Variants in PTK7 observed in about 807,000 individuals in gnomAD.
The protein encoded by PTK7 is inactive tyrosine-protein kinase 7.
In PTK7, 39 loss-of-function variants were observed where a neutral mutation model predicts 116.6. The observed-to-expected ratio is 0.33, with a 90% confidence interval of 0.26 to 0.44. PTK7 has a LOEUF of 0.44. PTK7 is among the 20% of genes least tolerant of loss of function. PTK7 has a pLI of 1.00. For synonymous variants in PTK7, 546 were observed against 563.6 expected (o/e 0.97, Z 0.44); for missense variants, 1,169 against 1,425.6 (o/e 0.82, Z 2.90).
chr6:43,154,632 C>T (rs1771315728), intron 17 of PTK7, among the ~76,000 whole-genome samples: 2 of 152,112 alleles, frequency 1.3e-5, no homozygotes, highest in African/African-American at 4.8e-5. Flanking sequence ...GTTAGCAAAG[C>T]ACCAGTAGAG....
intron 1 of PTK7, among the ~76,000 whole-genome samples, chr6:43,124,514 T>C (rs1769162322): frequency 6.6e-6 from 1 of 151,718 alleles, no homozygotes; most frequent in African/African-American, 2.4e-5. Flanking sequence ...CAAAACCCTG[T>C]CTCTATAAAA....
At chr6:43,104,808 CTTTTTTTTT>C (rs35126838) in intron 1 of PTK7, among the ~76,000 whole-genome samples, 46 of 102,844 alleles carry the variant, frequency 4.5e-4, no homozygotes, top group Middle Eastern at 0.013. Flanking sequence ...ATTAGCACAA[CTTTTTTTTT>C]TTTTTTTTTT....
chr6:43,136,447 A>G (rs951903998), intron 7 of PTK7, among the ~76,000 whole-genome samples: 28 of 152,224 alleles, frequency 1.8e-4, no homozygotes, highest in Non-Finnish European at 2.1e-4. Flanking sequence ...CTGGTGTGCT[A>G]TCGGCTGGGT....
At chr6:43,115,736 G>A (rs1472037466) in intron 1 of PTK7, among the ~76,000 whole-genome samples, 1 of 151,886 alleles carries the variant, frequency 6.6e-6, no homozygotes, top group Non-Finnish European at 1.5e-5. Context: ...AGAAGTTCAA[G>A]ACCAGCCATG....
Position 43,159,816 on chromosome 6 carries a change from G to C in PTK7, c.2902G>C (p.Val968Leu). ...GTACTACCACTTCCGCCAGGCCTGG[G>C]TGCCGCTGCGCTGGATGTCCCCCGA... ...SEYYHFRQAW[V>L]PLRWMSPEAI... The change falls in exon 19 of 20, where the codon GTG becomes CTG. Residue 968 changes from valine to leucine, a missense_variant. Coordinates refer to ENST00000230419, the MANE Select transcript of PTK7 (RefSeq NM_002821.5). 2 of 1,614,214 alleles carry C rather than the reference G, an allele frequency of 1.2e-6. No homozygotes were observed. The highest frequency in any genetic ancestry group is 1.7e-6 in the Non-Finnish European group (2 of 1,180,026).
chr6:43,138,786 A>C, intron 7 of PTK7, 63 bp from the exon 8 acceptor site: 1 of 1,531,256 alleles, frequency 6.5e-7, no homozygotes, highest in Non-Finnish European at 8.8e-7. Context: ...TTTCTTGGAG[A>C]TGGATCCTTT....
intron 17 of PTK7, among the ~76,000 whole-genome samples, chr6:43,150,605 C>T (rs1402544800): frequency 1.3e-5 from 2 of 151,968 alleles, no homozygotes; most frequent in Non-Finnish European, 1.5e-5. Context: ...GTTACCAAAA[C>T]CTTTGCCTGC....
At position 43,141,569 on chromosome 6, in the gene PTK7, C is replaced by T. The variant is rs1029611169; in HGVS notation, c.1619-99C>T. ...GACTTTGCCTGTGGGTGGTCAGGAGCGATGGTGTGTTTTTGAGTAGAGGTG... is the reference window on the plus strand; with the variant it reads ...GACTTTGCCTGTGGGTGGTCAGGAGTGATGGTGTGTTTTTGAGTAGAGGTG... On this transcript the variant is annotated intron_variant, in intron 10 of 19. Coordinates refer to ENST00000230419, the MANE Select transcript of PTK7 (RefSeq NM_002821.5). This position sits in a 1 kb window ranked among gnomAD's most constrained non-coding sequence, Gnocchi z 4.9. The T allele has an allele frequency of 7.8e-6, 11 of 1,405,922 alleles. 1 individual carries two copies. Among genetic ancestry groups the T allele is most frequent in the Non-Finnish European group, 8.8e-6 (9 of 1,026,590 alleles). 87.1% of individuals were successfully genotyped at this position (1,405,922 alleles called of 1,614,324 possible).
intron 1 of PTK7, among the ~76,000 whole-genome samples, chr6:43,078,078 G>T (rs1249045966): frequency 7.9e-5 from 12 of 152,372 alleles, no homozygotes; most frequent in African/African-American, 2.9e-4. Context: ...GGGTTTTGGT[G>T]TGTGGGTCTG....
chr6:43,127,224 T>C (rs935308091), intron 1 of PTK7, among the ~76,000 whole-genome samples: 1 of 152,246 alleles, frequency 6.6e-6, no homozygotes, highest in Non-Finnish European at 1.5e-5. Context: ...CAGAGCCTGC[T>C]GCTTCGTGTA....
chr6:43,080,515 G>A (rs1350634648), intron 1 of PTK7, among the ~76,000 whole-genome samples: 2 of 152,134 alleles, frequency 1.3e-5, no homozygotes, highest in East Asian at 1.9e-4. Flanking sequence ...GGGATGTGGA[G>A]CCCAGGGATA....
At chr6:43,083,683 A>C (rs1461013214) in intron 1 of PTK7, among the ~76,000 whole-genome samples, 1 of 152,152 alleles carries the variant, frequency 6.6e-6, no homozygotes, top group East Asian at 1.9e-4. Context: ...TTGGTTTTAC[A>C]TTGCTAAACT....
intron 17 of PTK7, among the ~76,000 whole-genome samples, chr6:43,158,310 A>G (rs544736927): frequency 6.6e-6 from 1 of 152,000 alleles, no homozygotes; most frequent in East Asian, 1.9e-4. Flanking sequence ...AAAGAAAAAA[A>G]AAAAAAGTAA....
At chr6:43,138,800 T>C (rs767724107) in intron 7 of PTK7, 49 bp from the exon 8 acceptor site, 13 of 1,548,770 alleles carry the variant, frequency 8.4e-6, no homozygotes, top group Non-Finnish European at 4.4e-6. Flanking sequence ...ATCCTTTAGT[T>C]TTGGAGACCT....
Position 43,130,681 on chromosome 6 carries a change from G to A in PTK7, c.812+20G>A. 1.2e-6 allele frequency: 2 copies of A among 1,613,864 alleles called. No individual in the cohort carries two copies. The highest frequency in any genetic ancestry group is 1.1e-5 in the South Asian group (1 of 91,072). ...CAGTCGGTAAGGCATCTGGCTGGGA[G>A]CATTCCAGTACCATGTACCACACAC... On this transcript the variant is annotated intron_variant, in intron 5 of 19. Transcript: ENST00000230419.
rs186361011 is a variant in PTK7 at position 43,093,894 on chromosome 6, C to A, written c.79+17327C>A. 1.2e-4 allele frequency among the ~76,000 whole-genome samples: 19 copies of A among 152,298 alleles called. No homozygotes were observed. In the South Asian group the frequency reaches 1.9e-3, roughly 15 times the overall value. ...AGAATCTTCCTGGACCCAAATACCC[C>A]CTAAAAGTTTCCCACTGGCCACTTC... On this transcript the variant is annotated intron_variant, in intron 1 of 19. Transcript: ENST00000230419.
At chr6:43,138,797 A>G (rs1770200363) in intron 7 of PTK7, 52 bp from the exon 8 acceptor site, 1 of 1,543,444 alleles carries the variant, frequency 6.5e-7, no homozygotes, top group Non-Finnish European at 8.7e-7. Context: ...TGGATCCTTT[A>G]GTTTTGGAGA....
chr6:43,144,623 A>T lies in PTK7; in HGVS notation c.2407+17A>T. 2 of 1,595,688 alleles carry T rather than the reference A, an allele frequency of 1.3e-6. No individual in the cohort carries two copies. The highest frequency in any genetic ancestry group is 1.3e-5 in the African/African-American group (1 of 74,774). ...CCACGCTGGGTATGTTGCCTTGACT[A>T]CAGCTGCCCCTGCCTAACTACAAGT... is the stretch of plus-strand genomic sequence containing the variant. On this transcript the variant is annotated intron_variant, in intron 15 of 19. Coordinates refer to ENST00000230419, the MANE Select transcript of PTK7 (RefSeq NM_002821.5).
chr6:43,077,138 C>T (rs1766085162), intron 1 of PTK7, among the ~76,000 whole-genome samples: 1 of 152,206 alleles, frequency 6.6e-6, no homozygotes, highest in Non-Finnish European at 1.5e-5. Flanking sequence ...CGGGTGAGGG[C>T]GGAAGAAGGG....
Sources: allele counts gnomAD v4.1 joint callset (sites outside exome capture counted in the v4.1 genomes callset), GRCh38; gene constraint gnomAD v4.1.1; non-coding constraint Gnocchi (gnomAD v3.1); transcripts MANE v1.5; gene names NCBI Gene and HGNC (gene_info 2026-07-23, HGNC 2026-07-21).